UBR4: variants seen among roughly 807,000 people sequenced by gnomAD.
The protein encoded by UBR4 is ubiquitin protein ligase E3 component n-recognin 4.
UBR4 carries 124 observed loss-of-function variants against 575.6 expected under a neutral mutation model. The observed-to-expected ratio is 0.22, with a 90% confidence interval of 0.19 to 0.25. The LOEUF is 0.25. UBR4 is among the 10% of genes least tolerant of loss of function. The pLI is 1.00. For missense variants in UBR4, 4,818 were observed against 6,478.8 expected (o/e 0.74, Z 8.80); for synonymous variants, 2,455 against 2,473.7 (o/e 0.99, Z 0.22).
chr1:19,193,777 A>C (rs967356028), intron 8 of UBR4, among the ~76,000 whole-genome samples: 1 of 152,138 alleles, frequency 6.6e-6, no homozygotes, highest in Non-Finnish European at 1.5e-5. Flanking sequence ...GCGCACACAC[A>C]CACACACTAC....
At chr1:19,199,538 A>AT in intron 3 of UBR4, 113 bp downstream of exon 3, 1 of 908,354 alleles carries the variant, frequency 1.1e-6, no homozygotes. Flanking sequence ...CAGCCTGCAA[A>AT]TGATTTCCTA....
chr1:19,155,380 A>AC, intron 43 of UBR4, 61 bp downstream of exon 43: 1 of 1,474,854 alleles, frequency 6.8e-7, no homozygotes, highest in Non-Finnish European at 9.3e-7. Context: ...AGAAAAAAGA[A>AC]TAGAGGAGTT....
intron 34 of UBR4, among the ~76,000 whole-genome samples, 191 bp downstream of exon 34, chr1:19,163,573 C>T (rs1341280374): frequency 6.6e-6 from 1 of 152,230 alleles, no homozygotes; most frequent in Non-Finnish European, 1.5e-5. Context: ...CCCATCACTT[C>T]TTGCCAGCCA....
At position 19,121,205 on chromosome 1, in the gene UBR4, T is replaced by G. The variant is rs776104915; in HGVS notation, c.10125A>C (p.Lys3375Asn). ...GACCCTTACCATCTTTCTCCTTTTC[T>G]TTTTCTTCTTTCTTGCTCTTTTTAG... is the stretch of plus-strand genomic sequence containing the variant. The part of the protein sequence containing the change: ...SSTKKSKKEE[K>N]EKEKDGETSG... The change falls in exon 68 of 106, where the codon AAA (lysine) becomes AAC (asparagine). Residue 3375 changes from lysine to asparagine, a missense_variant. By Grantham distance (94) the Lys-to-Asn change is moderately conservative (BLOSUM62 0). Around this residue, in one of 29 missense-constraint regions of UBR4, gnomAD observed 550 missense variants for 791.5 expected, o/e 0.69. Coordinates refer to ENST00000375254, the MANE Select transcript of UBR4 (RefSeq NM_020765.3). 1 of 1,613,956 alleles carries G rather than the reference T, an allele frequency of 6.2e-7. No individual in the cohort carries two copies. The highest frequency in any genetic ancestry group is 8.5e-7 in the Non-Finnish European group (1 of 1,179,956).
Position 19,117,883 on chromosome 1 carries a change from A to G in UBR4, c.10569T>C (p.Asp3523=). 6.2e-7 allele frequency: 1 copy of G among 1,614,226 alleles called. No homozygotes were observed. Among genetic ancestry groups the G allele is most frequent in the Admixed American group, 1.7e-5 (1 of 60,032 alleles). ...YNTLSGLVEF[D]GYYLESDPCL... is the part of the protein sequence containing the mutation. ...AGGGATCGCTCTCCAGGTAATAGCCATCAAACTCCACTAAGCCAGACAAAG... is the reference window on the plus strand; with the variant it reads ...AGGGATCGCTCTCCAGGTAATAGCCGTCAAACTCCACTAAGCCAGACAAAG... Residue 3523 remains aspartate, a synonymous_variant, in exon 72 of 106, where the codon GAT becomes GAC. Transcript: ENST00000375254. This position sits in a 1 kb window ranked among gnomAD's most constrained non-coding sequence, Gnocchi z 4.0.
intron 11 of UBR4, among the ~76,000 whole-genome samples, chr1:19,188,128 G>A (rs1438843488): frequency 2.6e-5 from 4 of 151,880 alleles, no homozygotes; most frequent in Non-Finnish European, 5.9e-5. Context: ...TAAACAATCA[G>A]TTCAAGGCTA....
intron 23 of UBR4, 52 bp downstream of exon 23, chr1:19,173,387 A>T (rs1193510353): frequency 3.3e-5 from 53 of 1,612,008 alleles, no homozygotes; most frequent in Non-Finnish European, 4.4e-5. Context: ...AAGCTCCAGT[A>T]AGCACAAAGC....
rs1168089576 is a variant in UBR4 at position 19,139,449 on chromosome 1, A to C, written c.8594-229T>G. The stretch of plus-strand genomic sequence containing the variant: ...ACGGTGCATTGCAAACAGTACTTAG[A>C]CAGGAGTGAAGAAAACCCAGTTCAC... On this transcript the variant is annotated intron_variant, in intron 58 of 105. Transcript: ENST00000375254. This position sits in a 1 kb window ranked among gnomAD's most constrained non-coding sequence, Gnocchi z 4.2. Among the ~76,000 whole-genome samples the C allele has an allele frequency of 1.3e-5, 2 of 152,164 alleles. No individual in the cohort carries two copies. Among genetic ancestry groups the C allele is most frequent in the African/African-American group, 2.4e-5 (1 of 41,428 alleles).
chr1:19,113,622 A>T, intron 77 of UBR4, 77 bp downstream of exon 77: 1 of 1,579,026 alleles, frequency 6.3e-7, no homozygotes, highest in South Asian at 1.2e-5. Context: ...TAGATGAGAG[A>T]GCAGCAGGAC....
chr1:19,164,062 GA>G (rs1314214410), intron 33 of UBR4, among the ~76,000 whole-genome samples, 190 bp downstream of exon 33: 10 of 152,140 alleles, frequency 6.6e-5, no homozygotes, highest in African/African-American at 1.7e-4. Context: ...CAATGAACAG[GA>G]AACTCTACTA....
chr1:19,138,986 T>C, intron 59 of UBR4, 97 bp downstream of exon 59: 1 of 1,436,704 alleles, frequency 7.0e-7, no homozygotes, highest in East Asian at 2.4e-5. Flanking sequence ...CTCTATACCT[T>C]TTCTTTGCAA....
chr1:19,095,074 T>G, intron 93 of UBR4, 49 bp from the exon 94 acceptor site: 2 of 1,613,572 alleles, frequency 1.2e-6, no homozygotes, highest in Non-Finnish European at 1.7e-6. Context: ...CCACAGCCAC[T>G]AACTGCTGAG....
intron 22 of UBR4, 51 bp downstream of exon 22, chr1:19,174,268 G>C (rs780756020): frequency 1.3e-6 from 2 of 1,559,912 alleles, no homozygotes; most frequent in Non-Finnish European, 1.7e-6. Flanking sequence ...TGATAGAAAT[G>C]ATCAATGATC....
intron 101 of UBR4, among the ~76,000 whole-genome samples, chr1:19,085,929 C>T (rs2076970822): frequency 6.6e-6 from 1 of 152,130 alleles, no homozygotes; most frequent in Non-Finnish European, 1.5e-5. Context: ...TGGTTCCTCC[C>T]ACCCTGTGGT....
At chr1:19,112,347 A>T (rs1175115767) in intron 78 of UBR4, 177 bp downstream of exon 78, 5 of 675,100 alleles carry the variant, frequency 7.4e-6, no homozygotes, top group Non-Finnish European at 2.3e-6. Context: ...CTGGGTTTCA[A>T]TGCTCCCCAA....
intron 6 of UBR4, 34 bp downstream of exon 6, chr1:19,197,913 A>G (rs769314070): frequency 2.5e-6 from 4 of 1,613,246 alleles, no homozygotes; most frequent in Non-Finnish European, 3.4e-6. Context: ...GACAGCCCAG[A>G]AATCAGCTTT....
chr1:19,099,511 A>G, intron 90 of UBR4, 86 bp downstream of exon 90: 2 of 1,222,966 alleles, frequency 1.6e-6, no homozygotes, highest in Non-Finnish European at 2.4e-6. Context: ...CAGGTAAGTG[A>G]TGATGAACAA....
chr1:19,106,882 G>A lies in UBR4; in HGVS notation c.12190C>T (p.Pro4064Ser), dbSNP rs1557606335. 1 of 1,613,740 alleles carries A rather than the reference G, an allele frequency of 6.2e-7. No individual in the cohort carries two copies. The highest frequency in any genetic ancestry group is 8.5e-7 in the Non-Finnish European group (1 of 1,179,982). ...TTCCAGGCATCATAGGATGCCTTGG[G>A]GTCTCTCTTGAGCCACAGTTGAGCC... ...AQAQLWLKRD[P>S]KASYDAWKKC... is the part of the protein sequence containing the mutation. Residue 4064 changes from proline (P) to serine (S), a missense_variant, in exon 82 of 106, where the codon CCC becomes TCC. Physicochemically the swap from Pro to Ser is moderately conservative, Grantham distance 74. This residue lies in a region of UBR4 where 333 missense variants were observed against 459.2 expected (regional missense o/e 0.73). Transcript: ENST00000375254.
At position 19,122,209 on chromosome 1, in the gene UBR4, T is replaced by C. The variant is rs11590831; in HGVS notation, c.9817-197A>G. Among the ~76,000 whole-genome samples the C allele has an allele frequency of 5.0e-3, 768 of 152,334 alleles. 3 individuals carry two copies. Among genetic ancestry groups the C allele is most frequent in the Middle Eastern group, 0.02 (6 of 294 alleles). On this transcript the variant is annotated intron_variant, in intron 66 of 105. Coordinates refer to ENST00000375254, the MANE Select transcript of UBR4 (RefSeq NM_020765.3). The stretch of plus-strand genomic sequence containing the variant: ...ACACTGCTGCAACCGCTGCAGCTCT[T>C]ACCGAACCTGCCTTTGTTCTACCCC...
Sources: gnomAD v4.1 joint callset for allele counts (sites outside exome capture counted in the v4.1 genomes callset) on GRCh38, gnomAD v4.1.1 for gene constraint, gnomAD v4.1.1 regional missense constraint, Gnocchi (gnomAD v3.1) non-coding constraint, MANE v1.5 for transcripts, NCBI Gene and HGNC (gene_info 2026-07-23, HGNC 2026-07-21) for gene names.